CCDC85A: variants seen among roughly 807,000 people sequenced by gnomAD.
The protein encoded by CCDC85A is coiled-coil domain containing 85A.
In CCDC85A, 38 loss-of-function variants were observed where a neutral mutation model predicts 50.2. That is an observed-to-expected ratio of 0.76 (90% confidence interval 0.58 to 0.99). The LOEUF (loss-of-function observed/expected upper bound fraction) is 0.99. CCDC85A is among the 50% of genes least tolerant of loss of function. CCDC85A has a pLI of 0.00. For synonymous variants in CCDC85A, 366 were observed against 301.4 expected, an observed-to-expected ratio of 1.21 and a Z score of -2.22; for missense variants, 820 against 742.0, an observed-to-expected ratio of 1.11 and a Z score of -1.22.
rs113239593 is a variant in CCDC85A, at chr2:56,242,019, A to G, written c.1240+48579A>G. On this transcript the variant is annotated intron_variant, in intron 2 of 5. Transcript: ENST00000407595. ...ATTGCCTGTCTTTTGGATAAAAGCCATTTTAAATAGAGTGAGATGGTCTCT... is the reference window on the plus strand; with the variant it reads ...ATTGCCTGTCTTTTGGATAAAAGCCGTTTTAAATAGAGTGAGATGGTCTCT... Among the ~76,000 whole-genome samples the G allele has an allele frequency of 1.6e-3, 249 of 152,242 alleles. 1 individual carries two copies. Among genetic ancestry groups the G allele is most frequent in the African/African-American group, 5.7e-3 (238 of 41,536 alleles).
In CCDC85A at chr2:56,345,374, T is replaced by G. The variant is rs542518661; in HGVS notation, c.1317+2419T>G. On this transcript the variant is annotated intron_variant, in intron 3 of 5. Transcript: ENST00000407595. ...CGATGTTACAAATGGGAAAACAATGTTTTAGTTTTAGTTATTTATTTGTCA... is the reference window on the plus strand; with the variant it reads ...CGATGTTACAAATGGGAAAACAATGGTTTAGTTTTAGTTATTTATTTGTCA... Among the ~76,000 whole-genome samples, 4 of 152,344 alleles carry G rather than the reference T, an allele frequency of 2.6e-5. No homozygotes were observed. In the South Asian group the frequency reaches 8.3e-4, roughly 32 times the overall value.
chr2:56,269,282 T>C (rs1190772845), intron 2 of CCDC85A, among the ~76,000 whole-genome samples: 1 of 151,996 alleles, frequency 6.6e-6, no homozygotes. Context: ...GCTCTACTGC[T>C]CTTTAGCTGG....
intron 2 of CCDC85A, among the ~76,000 whole-genome samples, chr2:56,313,977 T>C (rs1183169710): frequency 6.7e-6 from 1 of 148,980 alleles, no homozygotes; most frequent in Non-Finnish European, 1.5e-5. Context: ...AGGAGGTCCA[T>C]TAAGGGCAAC....
intron 2 of CCDC85A, among the ~76,000 whole-genome samples, chr2:56,331,968 C>A (rs532712158): frequency 1.3e-5 from 2 of 152,138 alleles, no homozygotes; most frequent in Non-Finnish European, 2.9e-5. Context: ...TGCTCTCTGG[C>A]GGTGCAGAGC....
intron 2 of CCDC85A, among the ~76,000 whole-genome samples, chr2:56,267,179 A>G (rs1242425383): frequency 6.6e-6 from 1 of 152,152 alleles, no homozygotes; most frequent in African/African-American, 2.4e-5. Context: ...GGCCCTAAAA[A>G]TAGCAATTAA....
chr2:56,207,366 G>C (rs1184906802), intron 2 of CCDC85A, among the ~76,000 whole-genome samples: 1 of 152,100 alleles, frequency 6.6e-6, no homozygotes, highest in Non-Finnish European at 1.5e-5. Flanking sequence ...CTCTACATTT[G>C]ACTGGTTTGT....
chr2:56,353,788 A>G (rs905688956), intron 3 of CCDC85A, among the ~76,000 whole-genome samples: 1 of 152,198 alleles, frequency 6.6e-6, no homozygotes, highest in African/African-American at 2.4e-5. Flanking sequence ...AGAGCCAAAA[A>G]CTAGGAACAG....
At position 56,256,431 on chromosome 2, in the gene CCDC85A, A is replaced by G. The variant is rs1449793268; in HGVS notation, c.1240+62991A>G. Among the ~76,000 whole-genome samples, 6 of 152,196 alleles carry G rather than the reference A, an allele frequency of 3.9e-5. No homozygotes were observed. The South Asian group carries it at 8.3e-4, about 21-fold the overall frequency. On this transcript the variant is annotated intron_variant, in intron 2 of 5. Transcript: ENST00000407595. ...GGGCACAATGTGTCCTTGGTGGCCTATTGATCAGTGTTATCATTTTAAAAC... is the reference window on the plus strand; with the variant it reads ...GGGCACAATGTGTCCTTGGTGGCCTGTTGATCAGTGTTATCATTTTAAAAC...
chr2:56,337,030 A>G (rs577102946), intron 2 of CCDC85A, among the ~76,000 whole-genome samples: 3 of 152,390 alleles, frequency 2.0e-5, no homozygotes, highest in Non-Finnish European at 4.4e-5. Flanking sequence ...AACCAAGTTC[A>G]TCGCACTCTG....
At chr2:56,271,674 C>T (rs1296185586) in intron 2 of CCDC85A, among the ~76,000 whole-genome samples, 6 of 152,152 alleles carry the variant, frequency 3.9e-5, no homozygotes, top group South Asian at 2.1e-4. Flanking sequence ...AGGAGGTCTC[C>T]GTTGCTGAAC....
Position 56,242,278 on chromosome 2 carries a change from A to C in CCDC85A, c.1240+48838A>C, listed in dbSNP as rs7560897. ...AGGCCATTCTTGCATTGCTATAAAT[A>C]CCTGAGACTGGGTAATTTATAAAAA... is the stretch of plus-strand genomic sequence containing the variant. On this transcript the variant is annotated intron_variant, in intron 2 of 5. Transcript: ENST00000407595. 1.6e-3 allele frequency among the ~76,000 whole-genome samples: 249 copies of C among 152,262 alleles called. 1 individual carries two copies. Among genetic ancestry groups the C allele is most frequent in the African/African-American group, 5.7e-3 (238 of 41,554 alleles).
At chr2:56,291,986 G>C (rs149007478) in intron 2 of CCDC85A, among the ~76,000 whole-genome samples, 36 of 152,182 alleles carry the variant, frequency 2.4e-4, no homozygotes, top group African/African-American at 8.4e-4. Flanking sequence ...GAGGGGATTA[G>C]GCATATTTGA....
chr2:56,308,495 G>T (rs1304392932), intron 2 of CCDC85A, among the ~76,000 whole-genome samples: 1 of 152,136 alleles, frequency 6.6e-6, no homozygotes, highest in Non-Finnish European at 1.5e-5. Flanking sequence ...TCAAAATCTG[G>T]CTCTGTTGCC....
intron 2 of CCDC85A, among the ~76,000 whole-genome samples, chr2:56,327,831 CAAA>C (rs70955016): frequency 0.02 from 1,887 of 93,212 alleles, 12 homozygotes; most frequent in African/African-American, 0.04. Context: ...TAGAGTAAGG[CAAA>C]AAAAAAAAAA....
intron 2 of CCDC85A, among the ~76,000 whole-genome samples, chr2:56,294,884 A>G: frequency 6.6e-6 from 1 of 152,202 alleles, no homozygotes; most frequent in East Asian, 1.9e-4. Flanking sequence ...TCTAATAGCT[A>G]GCTCCCTGAA....
chr2:56,190,626 G>C (rs1179349646), intron 1 of CCDC85A, among the ~76,000 whole-genome samples: 1 of 152,148 alleles, frequency 6.6e-6, no homozygotes, highest in East Asian at 1.9e-4. Context: ...TGTCTAGAAG[G>C]CTGGGGAGAG....
At chr2:56,379,420 A>G (rs1031460226) in intron 5 of CCDC85A, among the ~76,000 whole-genome samples, 3 of 152,188 alleles carry the variant, frequency 2.0e-5, no homozygotes, top group Non-Finnish European at 2.9e-5. Context: ...AGCAAGAGTT[A>G]TTGACTATAT....
chr2:56,231,909 C>T (rs1668789987), intron 2 of CCDC85A, among the ~76,000 whole-genome samples: 1 of 152,032 alleles, frequency 6.6e-6, no homozygotes, highest in East Asian at 1.9e-4. Flanking sequence ...ATTCAACCAC[C>T]CACAGCATTG....
chr2:56,373,800 A>G (rs1458975763), intron 4 of CCDC85A, among the ~76,000 whole-genome samples: 1 of 152,192 alleles, frequency 6.6e-6, no homozygotes, highest in Non-Finnish European at 1.5e-5. Flanking sequence ...TCTTTTGAAA[A>G]GCATTCATAA....
Sources: gnomAD v4.1 joint callset for allele counts (sites outside exome capture counted in the v4.1 genomes callset) on GRCh38, gnomAD v4.1.1 for gene constraint, MANE v1.5 for transcripts, NCBI Gene and HGNC (gene_info 2026-07-23, HGNC 2026-07-21) for gene names.